The following TMEM132D variants were observed in gnomAD, a reference collection of about 807,000 sequenced individuals.
The protein encoded by TMEM132D is transmembrane protein 132D.
Under a neutral mutation model 62.3 loss-of-function variants are expected in TMEM132D, and 21 were observed. The ratio of observed to expected loss-of-function variants is 0.34; its 90% CI spans 0.24 to 0.49. The LOEUF is 0.49. Ranked by LOEUF, TMEM132D falls within the 20% of genes least tolerant of loss-of-function variation. The probability of loss-of-function intolerance (pLI) is 0.99; values close to 1 mark genes in which losing one functional copy is unlikely to be tolerated. For missense variants in TMEM132D, 1,346 were observed against 1,402.8 expected, an observed-to-expected ratio of 0.96 and a Z score of 0.65; for synonymous variants, 621 against 575.6, an observed-to-expected ratio of 1.08 and a Z score of -1.13.
At chr12:129,273,103 C>T (rs61944141) in intron 4 of TMEM132D, among the ~76,000 whole-genome samples, 6,483 of 151,670 alleles carry the variant, frequency 0.043, 279 homozygotes, top group East Asian at 0.21. Flanking sequence ...GGCTGAGGCA[C>T]GAGAATCAAT....
At chr12:129,156,062 T>C (rs1344716720) in intron 5 of TMEM132D, among the ~76,000 whole-genome samples, 2 of 151,844 alleles carry the variant, frequency 1.3e-5, no homozygotes, top group South Asian at 2.1e-4. Flanking sequence ...ACTTCTGACA[T>C]AACTAACCCA....
chr12:129,814,742 G>A (rs1872297272), intron 1 of TMEM132D, among the ~76,000 whole-genome samples: 1 of 151,656 alleles, frequency 6.6e-6, no homozygotes. Flanking sequence ...TCTACTAACT[G>A]AGCTCTAACC....
chr12:129,156,514 C>T lies in TMEM132D; in HGVS notation c.1443+53006G>A, dbSNP rs1877250778. On this transcript the variant is annotated intron_variant, in intron 5 of 8. Coordinates refer to ENST00000422113, the MANE Select transcript of TMEM132D (RefSeq NM_133448.3). The stretch of plus-strand genomic sequence containing the variant: ...ACTCCCATGATAACCAATCCACTCC[C>T]AAGATAGCTATTCCGCTCCCAACAT... Among the ~76,000 whole-genome samples, 5 of 152,010 alleles carry T rather than the reference C, an allele frequency of 3.3e-5. No individual in the cohort carries two copies. In the South Asian group the frequency reaches 1.0e-3, roughly 32 times the overall value.
intron 5 of TMEM132D, among the ~76,000 whole-genome samples, chr12:129,133,481 T>G (rs1366751111): frequency 6.6e-6 from 1 of 152,266 alleles, no homozygotes; most frequent in Non-Finnish European, 1.5e-5. Context: ...GCAGACCTGC[T>G]TCTTGATCTG....
At chr12:129,620,492 G>A (rs188035031) in intron 2 of TMEM132D, among the ~76,000 whole-genome samples, 205 of 152,262 alleles carry the variant, frequency 1.3e-3, no homozygotes, top group Non-Finnish European at 2.1e-3. Flanking sequence ...CTAGCTGCTC[G>A]GGAGGCTGAA....
intron 5 of TMEM132D, among the ~76,000 whole-genome samples, chr12:129,144,942 C>T (rs75331234): frequency 8.5e-5 from 13 of 152,166 alleles, no homozygotes; most frequent in African/African-American, 3.1e-4. Context: ...ATCATCTAAT[C>T]TATCTAAAGT....
intron 5 of TMEM132D, among the ~76,000 whole-genome samples, chr12:129,122,089 T>A (rs1165837305): frequency 1.3e-5 from 2 of 152,208 alleles, no homozygotes; most frequent in Non-Finnish European, 2.9e-5. Context: ...TGCAGAGCGA[T>A]GCTGGGTGAC....
At chr12:129,745,194 T>C (rs545287547) in intron 1 of TMEM132D, among the ~76,000 whole-genome samples, 1 of 152,342 alleles carries the variant, frequency 6.6e-6, no homozygotes, top group South Asian at 2.1e-4. Flanking sequence ...TACTTCTTTA[T>C]ATCTATTTGA....
Position 129,700,257 on chromosome 12 carries a change from C to T in TMEM132D, c.521G>A (p.Arg174Gln), listed in dbSNP as rs749019418. 5.0e-6 allele frequency: 8 copies of T among 1,613,202 alleles called. No individual in the cohort carries two copies. Among genetic ancestry groups the T allele is most frequent in the South Asian group, 3.3e-5 (3 of 91,080 alleles). The change falls in exon 2 of 9, where the codon CGA becomes CAA. Residue 174 changes from arginine to glutamine, a missense_variant. Coordinates refer to ENST00000422113, the MANE Select transcript of TMEM132D (RefSeq NM_133448.3). ...KLPCLRVFAF[R>Q]ETREVRGSCR... ...GCTGCCCCGCACCTCTCGGGTCTCT[C>T]GGAAAGCAAAGACCCTCAGGCACGG...
At chr12:129,615,795 CAAAAT>C (rs767430381) in intron 2 of TMEM132D, among the ~76,000 whole-genome samples, 43,648 of 137,330 alleles carry the variant, frequency 0.32, 7,862 homozygotes, top group Admixed American at 0.43. Context: ...CAAAACAAAA[CAAAAT>C]AAAATAAAAT....
chr12:129,209,632 G>A lies in TMEM132D; in HGVS notation c.1331C>T (p.Thr444Met), dbSNP rs771427502. The change falls in exon 5 of 9, where the codon ACG becomes ATG. Residue 444 changes from threonine to methionine, a missense_variant. Transcript: ENST00000422113. ...EAEILNTAIL[T>M]GKTVAVPVKV... is the part of the protein sequence containing the mutation. Reference sequence around the variant, plus strand: ...CACCGGGACGGCCACCGTCTTCCCCGTGAGGATGGCTGTGTTCAGGATTTC... The same window carrying A: ...CACCGGGACGGCCACCGTCTTCCCCATGAGGATGGCTGTGTTCAGGATTTC... The A allele has an allele frequency of 2.4e-5, 39 of 1,614,164 alleles. No homozygotes were observed. The East Asian group carries it at 4.7e-4, about 19-fold the overall frequency.
chr12:129,077,217 G>A (rs1319220996), intron 8 of TMEM132D, among the ~76,000 whole-genome samples: 1 of 152,202 alleles, frequency 6.6e-6, no homozygotes, highest in Non-Finnish European at 1.5e-5. Context: ...CGCAGCTGGT[G>A]CATGAAGGCA....
intron 2 of TMEM132D, among the ~76,000 whole-genome samples, chr12:129,536,157 T>C (rs1232761911): frequency 1.3e-5 from 2 of 152,174 alleles, no homozygotes; most frequent in African/African-American, 2.4e-5. Context: ...CCACATAGTC[T>C]CTGCATAGAT....
chr12:129,371,699 G>GA lies in TMEM132D; in HGVS notation c.1116-33883dup, dbSNP rs975696538. Reference sequence around the variant, plus strand: ...ATGATGATGGTGACAATGATGATGTGATGATAGTGATGGTGATGATGATGG... The same window carrying GA: ...ATGATGATGGTGACAATGATGATGTGAATGATAGTGATGGTGATGATGATGG... On this transcript the variant is annotated intron_variant, in intron 3 of 8. Transcript: ENST00000422113. The surrounding 1 kb of genome is among the most constrained non-coding windows in gnomAD (Gnocchi z 4.3). Among the ~76,000 whole-genome samples, 11 of 152,046 alleles carry GA rather than the reference G, an allele frequency of 7.2e-5. No individual in the cohort carries two copies. The highest frequency in any genetic ancestry group is 2.4e-4 in the African/African-American group (10 of 41,400).
chr12:129,766,016 T>C (rs187630685), intron 1 of TMEM132D, among the ~76,000 whole-genome samples: 1 of 152,264 alleles, frequency 6.6e-6, no homozygotes, highest in Non-Finnish European at 1.5e-5. Flanking sequence ...GGACTTGTTC[T>C]GGACAATGAG....
chr12:129,550,826 A>T (rs1593062525), intron 2 of TMEM132D, among the ~76,000 whole-genome samples: 1 of 152,294 alleles, frequency 6.6e-6, no homozygotes, highest in South Asian at 2.1e-4. Flanking sequence ...CCACAACAGT[A>T]TATACCTCCT....
chr12:129,434,154 T>C (rs539091939), intron 3 of TMEM132D, among the ~76,000 whole-genome samples: 1 of 152,302 alleles, frequency 6.6e-6, no homozygotes, highest in African/African-American at 2.4e-5. Context: ...GGAAAAATGT[T>C]CTACTTAGGT....
At chr12:129,377,537 CT>C (rs1431769022) in intron 3 of TMEM132D, among the ~76,000 whole-genome samples, 1 of 152,158 alleles carries the variant, frequency 6.6e-6, no homozygotes, top group Admixed American at 6.5e-5. Context: ...ATAAAATTAA[CT>C]GTTCTTCTTA....
intron 5 of TMEM132D, among the ~76,000 whole-genome samples, chr12:129,179,785 T>C (rs1283082628): frequency 6.6e-6 from 1 of 152,038 alleles, no homozygotes; most frequent in Non-Finnish European, 1.5e-5. Context: ...CCCAGCACTT[T>C]GGGAGGCTGA....
Sources: allele counts gnomAD v4.1 joint callset (sites outside exome capture counted in the v4.1 genomes callset), GRCh38; gene constraint gnomAD v4.1.1; non-coding constraint Gnocchi (gnomAD v3.1); transcripts MANE v1.5; gene names NCBI Gene and HGNC (gene_info 2026-07-23, HGNC 2026-07-21).